The following WDR33 variants were observed in gnomAD, a reference collection of about 807,000 sequenced individuals.
WDR33 encodes the protein pre-mRNA 3' end processing protein WDR33.
In WDR33, 47 loss-of-function variants were observed where a neutral mutation model predicts 164.9. The ratio of observed to expected loss-of-function variants is 0.29; its 90% CI spans 0.23 to 0.36. The LOEUF (loss-of-function observed/expected upper bound fraction) is 0.36, where lower values mean the gene tolerates loss of function less well. Ranked by LOEUF, WDR33 falls within the 10% of genes least tolerant of loss-of-function variation. The pLI, the probability that WDR33 is intolerant of heterozygous loss-of-function variation, is 1.00. For missense variants in WDR33, 1,137 were observed against 1,754.1 expected (o/e 0.65, Z 6.28); for synonymous variants, 505 against 589.0 (o/e 0.86, Z 2.06).
chr2:127,800,264 C>T (rs1468217434), intron 1 of WDR33, among the ~76,000 whole-genome samples: 1 of 152,172 alleles, frequency 6.6e-6, no homozygotes, highest in Non-Finnish European at 1.5e-5. Context: ...TAATGTCCAT[C>T]AACTGAATCA....
intron 7 of WDR33, among the ~76,000 whole-genome samples, chr2:127,730,554 TAAAC>T (rs1686676246): frequency 6.6e-6 from 1 of 152,180 alleles, no homozygotes; most frequent in South Asian, 2.1e-4. Context: ...GTGGAATTAT[TAAAC>T]AAACTTTGCC....
chr2:127,761,420 T>C (rs1376839486), intron 7 of WDR33, among the ~76,000 whole-genome samples: 1 of 152,208 alleles, frequency 6.6e-6, no homozygotes, highest in Non-Finnish European at 1.5e-5. Flanking sequence ...CAGGATGGTC[T>C]TGATCTCCTG....
chr2:127,755,641 G>A (rs1349056440), intron 7 of WDR33, among the ~76,000 whole-genome samples: 2 of 152,162 alleles, frequency 1.3e-5, no homozygotes, highest in Non-Finnish European at 2.9e-5. Flanking sequence ...TTAGAAATTT[G>A]TGTGTGGCAG....
intron 1 of WDR33, among the ~76,000 whole-genome samples, chr2:127,784,126 A>C (rs1418865814): frequency 2.6e-5 from 4 of 152,198 alleles, no homozygotes; most frequent in African/African-American, 4.8e-5. Flanking sequence ...TATCTAGCTT[A>C]ATTGAAAACA....
At position 127,708,949 on chromosome 2, in the gene WDR33, G is replaced by A; in HGVS notation, c.3566-57C>T. ...AGCACAGTGTGACCAGAAGTAGATG[G>A]GAATGACACTGTGAGAGTAAGGAGC... is the stretch of plus-strand genomic sequence containing the variant. On this transcript the variant is annotated intron_variant, in intron 20 of 21. Transcript: ENST00000322313. The surrounding 1 kb of genome is among the most constrained non-coding windows in gnomAD (Gnocchi z 6.7). The A allele has an allele frequency of 6.8e-7, 1 of 1,463,188 alleles. No homozygotes were observed. The highest frequency in any genetic ancestry group is 9.1e-7 in the Non-Finnish European group (1 of 1,098,516). 90.6% of individuals were successfully genotyped at this position (1,463,188 alleles called of 1,614,324 possible).
chr2:127,799,202 G>A (rs1689150796), intron 1 of WDR33, among the ~76,000 whole-genome samples: 1 of 152,038 alleles, frequency 6.6e-6, no homozygotes, highest in East Asian at 1.9e-4. Context: ...TGCCTTAGAT[G>A]TAATACCAAT....
chr2:127,752,116 T>A (rs1442565880), intron 7 of WDR33, among the ~76,000 whole-genome samples: 1 of 152,240 alleles, frequency 6.6e-6, no homozygotes, highest in Non-Finnish European at 1.5e-5. Context: ...CCTACCTTAC[T>A]GCTGACACAT....
intron 7 of WDR33, among the ~76,000 whole-genome samples, chr2:127,752,268 C>G (rs74418228): frequency 0.038 from 5,840 of 152,170 alleles, 328 homozygotes; most frequent in African/African-American, 0.12. Flanking sequence ...TCTTACCCCC[C>G]AAAAAACTAA....
intron 7 of WDR33, chr2:127,736,099 A>C (rs760068975): frequency 2.4e-4 from 237 of 985,282 alleles, no homozygotes; most frequent in Non-Finnish European, 2.7e-4. Flanking sequence ...CCAGTCTGAG[A>C]GCCTTCAGTC....
intron 1 of WDR33, among the ~76,000 whole-genome samples, chr2:127,804,465 C>T (rs762730989): frequency 2.0e-4 from 31 of 152,160 alleles, no homozygotes; most frequent in African/African-American, 6.0e-4. Context: ...GTTAATATTG[C>T]GGGTACTTAA....
At position 127,765,211 on chromosome 2, in the gene WDR33, C is replaced by T; in HGVS notation, c.437G>A (p.Trp146Ter). The part of the protein sequence containing the change: ...TGASSGEFTL[W>*]NGLTFNFETI... ...TTCAAAATTGAAAGTGAGTCCATTC[C>T]ACAGGGTAAACTCCCCACTAGAAGC... Residue 146 changes from tryptophan (W) to a stop codon, truncating the protein, a stop_gained, in exon 5 of 22, where the codon TGG becomes TAG. Transcript: ENST00000322313. LOFTEE classifies it high-confidence loss of function. The T allele has an allele frequency of 6.2e-7, 1 of 1,614,046 alleles. No homozygotes were observed. The highest frequency in any genetic ancestry group is 8.5e-7 in the Non-Finnish European group (1 of 1,180,004).
At chr2:127,791,468 C>T (rs1229098272) in intron 1 of WDR33, among the ~76,000 whole-genome samples, 1 of 152,014 alleles carries the variant, frequency 6.6e-6, no homozygotes, top group African/African-American at 2.4e-5. Flanking sequence ...CCAGCATAAC[C>T]AGGTCCAAGT....
At position 127,738,090 on chromosome 2, in the gene WDR33, AC is replaced by A; in HGVS notation, c.725-11314del. ...AAGAAGGGTGCATGAACTCTTAAATACTGTGCAGGCAGGTATCTATCACATG... is the reference window on the plus strand; with the variant it reads ...AAGAAGGGTGCATGAACTCTTAAATATGTGCAGGCAGGTATCTATCACATG... On this transcript the variant is annotated intron_variant, in intron 7 of 21. Coordinates refer to ENST00000322313, the MANE Select transcript of WDR33 (RefSeq NM_018383.5). This position sits in a 1 kb window ranked among gnomAD's most constrained non-coding sequence, Gnocchi z 4.4. 6.3e-7 allele frequency: 1 copy of A among 1,597,914 alleles called. No individual in the cohort carries two copies. The highest frequency in any genetic ancestry group is 8.5e-7 in the Non-Finnish European group (1 of 1,171,604).
rs1456234901 is a variant in WDR33 at position 127,723,913 on chromosome 2, C to CA, written c.1196+419dup. On this transcript the variant is annotated intron_variant, in intron 11 of 21. Coordinates refer to ENST00000322313, the MANE Select transcript of WDR33 (RefSeq NM_018383.5). The surrounding 1 kb of genome is among the most constrained non-coding windows in gnomAD (Gnocchi z 5.9). ...GCAACATGGTGAAACCCCATCTCTA[C>CA]AAAAAATGCAAAAATTAGCCAGGTG... Among the ~76,000 whole-genome samples the CA allele has an allele frequency of 2.0e-5, 3 of 151,822 alleles. No homozygotes were observed. The highest frequency in any genetic ancestry group is 6.6e-5 in the Admixed American group (1 of 15,246).
intron 7 of WDR33, among the ~76,000 whole-genome samples, chr2:127,746,012 G>T (rs548218073): frequency 6.9e-6 from 1 of 144,912 alleles, no homozygotes; most frequent in Admixed American, 7.0e-5. Flanking sequence ...GAGACAGAGC[G>T]AGACTCTGTC....
intron 7 of WDR33, chr2:127,762,667 A>C: frequency 9.9e-7 from 1 of 1,007,180 alleles, no homozygotes; most frequent in Non-Finnish European, 1.2e-6. Context: ...TGATACCTCT[A>C]TCTTGTCGGT....
intron 1 of WDR33, among the ~76,000 whole-genome samples, chr2:127,774,609 C>T (rs907498400): frequency 1.3e-5 from 2 of 152,116 alleles, no homozygotes; most frequent in Non-Finnish European, 2.9e-5. Context: ...GCTGGCGGAT[C>T]ACAAGGTCAG....
Position 127,721,662 on chromosome 2 carries a change from T to A in WDR33, c.1671+174A>T, listed in dbSNP as rs1487274792. Among the ~76,000 whole-genome samples, 1 of 152,168 alleles carries A rather than the reference T, an allele frequency of 6.6e-6. No homozygotes were observed. Among genetic ancestry groups the A allele is most frequent in the East Asian group, 1.9e-4 (1 of 5,204 alleles). ...TACATAAATAACACATTTTAAAAAATTTTAAGAAACAGGATTCTTTTGGAA... is the reference window on the plus strand; with the variant it reads ...TACATAAATAACACATTTTAAAAAAATTTAAGAAACAGGATTCTTTTGGAA... On this transcript the variant is annotated intron_variant, in intron 15 of 21. Coordinates refer to ENST00000322313, the MANE Select transcript of WDR33 (RefSeq NM_018383.5). The surrounding 1 kb of genome is among the most constrained non-coding windows in gnomAD (Gnocchi z 4.9).
chr2:127,788,770 A>C (rs1573464565), intron 1 of WDR33, among the ~76,000 whole-genome samples: 1 of 130,560 alleles, frequency 7.7e-6, no homozygotes, highest in East Asian at 2.8e-4. Flanking sequence ...CCTCCCTCCC[A>C]GATGGGGCGG....
Sources: allele counts gnomAD v4.1 joint callset (sites outside exome capture counted in the v4.1 genomes callset), GRCh38; gene constraint gnomAD v4.1.1; non-coding constraint Gnocchi (gnomAD v3.1); transcripts MANE v1.5; gene names NCBI Gene and HGNC (gene_info 2026-07-23, HGNC 2026-07-21).